TRIM67: variants seen among roughly 807,000 people sequenced by gnomAD.
The protein encoded by TRIM67 is tripartite motif-containing protein 67.
A neutral mutation model predicts 71.0 loss-of-function variants in TRIM67; 39 were observed. The ratio of observed to expected loss-of-function variants is 0.55; its 90% confidence interval spans 0.43 to 0.72. The LOEUF (loss-of-function observed/expected upper bound fraction) is 0.72, where lower values mean the gene tolerates loss of function less well. Ranked by LOEUF, TRIM67 falls within the 30% of genes least tolerant of loss-of-function variation. TRIM67 has a pLI of 0.00. For synonymous variants in TRIM67, 481 were observed against 473.9 expected (o/e 1.01, Z -0.19); for missense variants, 973 against 1,079.2 (o/e 0.90, Z 1.38).
In TRIM67 at chr1:231,215,444, C is replaced by T. The variant is rs200304034; in HGVS notation, c.*4C>T. On this transcript the variant is annotated 3_prime_UTR_variant, in exon 10 of 10. Transcript: ENST00000366653. Reference sequence around the variant, plus strand: ...GCCAAAGCTGTCAGGCAATTAGCCCCGCTCCAGCTCGGCACTGTGCCTGTG... The same window carrying T: ...GCCAAAGCTGTCAGGCAATTAGCCCTGCTCCAGCTCGGCACTGTGCCTGTG... The T allele has an allele frequency of 7.0e-4, 1,121 of 1,603,874 alleles. No homozygotes were observed. Among genetic ancestry groups the T allele is most frequent in the Non-Finnish European group, 8.6e-4 (1,010 of 1,174,422 alleles).
intron 1 of TRIM67, among the ~76,000 whole-genome samples, chr1:231,171,695 T>G (rs2102716068): frequency 6.6e-6 from 1 of 152,336 alleles, no homozygotes; most frequent in Non-Finnish European, 1.5e-5. Context: ...TAGGGTCTGC[T>G]GTTTTCTAAC....
intron 9 of TRIM67, among the ~76,000 whole-genome samples, chr1:231,214,294 G>A (rs1683953421): frequency 6.6e-6 from 1 of 152,154 alleles, no homozygotes; most frequent in African/African-American, 2.4e-5. Context: ...AGGAGGGTGT[G>A]AGGAAGGGAG....
Position 231,219,259 on chromosome 1 carries a change from A to G in TRIM67, c.*3819A>G. On this transcript the variant is annotated 3_prime_UTR_variant, in exon 10 of 10. Transcript: ENST00000366653. ...TTAGCAACATCCCTGGTCTCTACCC[A>G]TCATCTGCCAGTAGCAACCCCCAAG... 4.1e-6 allele frequency: 4 copies of G among 980,372 alleles called. No individual in the cohort carries two copies. Among genetic ancestry groups the G allele is most frequent in the Middle Eastern group, 5.3e-4 (1 of 1,900 alleles). 60.7% of individuals were successfully genotyped at this position (980,372 alleles called of 1,614,324 possible).
rs1683903977 is a variant in TRIM67 at position 231,212,569 on chromosome 1, G to A, written c.2124-1246G>A. Among the ~76,000 whole-genome samples the A allele has an allele frequency of 2.6e-5, 4 of 152,184 alleles. No homozygotes were observed. The South Asian group carries it at 6.2e-4, about 24-fold the overall frequency. On this transcript the variant is annotated intron_variant, in intron 8 of 9. Transcript: ENST00000366653. ...AGAGACAAGCAGGACAAAATTCAAA[G>A]TAACAAGTTAGAGTAAAAAGGTTAG... is the stretch of plus-strand genomic sequence containing the variant.
At chr1:231,164,433 G>T (rs1435291066) in intron 1 of TRIM67, among the ~76,000 whole-genome samples, 1 of 152,150 alleles carries the variant, frequency 6.6e-6, no homozygotes, top group Non-Finnish European at 1.5e-5. Context: ...ATGTGTCCTT[G>T]TATCTGATAC....
chr1:231,219,518 A>G lies in TRIM67; in HGVS notation c.*4078A>G. ...TGTGTCTTCAGGGGGCAGGTAGGGG[A>G]AAATGGGGTGAGCCACCTCCAACAG... On this transcript the variant is annotated 3_prime_UTR_variant, in exon 10 of 10. Coordinates refer to ENST00000366653, the MANE Select transcript of TRIM67 (RefSeq NM_001004342.5). 1 of 1,071,968 alleles carries G rather than the reference A, an allele frequency of 9.3e-7. No individual in the cohort carries two copies. Among genetic ancestry groups the G allele is most frequent in the South Asian group, 2.7e-5 (1 of 36,400 alleles). 66.4% of individuals were successfully genotyped at this position (1,071,968 alleles called of 1,614,324 possible). A position where few individuals can be genotyped will look rare whatever the true frequency, so the allele number is the denominator to read the frequency against.
chr1:231,162,909 A>T lies in TRIM67; in HGVS notation c.-61A>T. The T allele has an allele frequency of 1.9e-6, 3 of 1,565,192 alleles. No homozygotes were observed. Among genetic ancestry groups the T allele is most frequent in the Non-Finnish European group, 2.6e-6 (3 of 1,160,440 alleles). On this transcript the variant is annotated 5_prime_UTR_variant, in exon 1 of 10. Coordinates refer to ENST00000366653, the MANE Select transcript of TRIM67 (RefSeq NM_001004342.5). Reference sequence around the variant, plus strand: ...CGCACCGCGCTGGTCCTCCTCCGCCAGTCTCCCGAGCTCCGGCCATTCATC... The same window carrying T: ...CGCACCGCGCTGGTCCTCCTCCGCCTGTCTCCCGAGCTCCGGCCATTCATC...
chr1:231,210,816 G>A (rs1412764946), intron 8 of TRIM67, among the ~76,000 whole-genome samples: 1 of 151,768 alleles, frequency 6.6e-6, no homozygotes, highest in Non-Finnish European at 1.5e-5. Flanking sequence ...GAGGCAGAAG[G>A]ATTGCTTGAG....
chr1:231,162,776 C>T lies in TRIM67; in HGVS notation c.-194C>T, dbSNP rs1049140668. The T allele has an allele frequency of 2.5e-5, 17 of 669,646 alleles. No individual in the cohort carries two copies. The highest frequency in any genetic ancestry group is 4.1e-5 in the Non-Finnish European group (17 of 417,982). The allele number at this position is 669,646 out of a possible 1,614,324, so 41.5% of individuals were successfully genotyped here. A position where few individuals can be genotyped will look rare whatever the true frequency, so the allele number is the denominator to read the frequency against. ...GGTGAGGACCCCCTCCCTTCTCTCG[C>T]CCCTCAATCATCTTAGGGCGGTGGC... On this transcript the variant is annotated 5_prime_UTR_variant, in exon 1 of 10. Transcript: ENST00000366653.
chr1:231,203,953 C>A lies in TRIM67; in HGVS notation c.1621C>A (p.His541Asn). The A allele has an allele frequency of 2.5e-6, 4 of 1,614,016 alleles. No homozygotes were observed. Among genetic ancestry groups the A allele is most frequent in the Non-Finnish European group, 3.4e-6 (4 of 1,179,888 alleles). ...GGCCTGGAGGATGCCACCCTTCACC[C>A]ACAGCCCCGTGGACGGCTACATCCT... ...TLAWRMPPFT[H>N]SPVDGYILEL... is the part of the protein sequence containing the mutation. The change falls in exon 6 of 10, where the codon CAC (histidine) becomes AAC (asparagine). Residue 541 changes from histidine (H) to asparagine (N), a missense_variant. By Grantham distance (68) the His-to-Asn change is moderately conservative. Around this residue, in one of 2 missense-constraint regions of TRIM67, gnomAD observed 795 missense variants for 831.3 expected, o/e 0.96. Transcript: ENST00000366653.
intron 1 of TRIM67, chr1:231,185,018 C>T (rs1482919498): frequency 2.0e-6 from 3 of 1,532,996 alleles, no homozygotes; most frequent in Non-Finnish European, 2.6e-6. Context: ...GGAGGGTCAG[C>T]TTATTCTGCT....
chr1:231,163,825 G>C lies in TRIM67; in HGVS notation c.856G>C (p.Gly286Arg), dbSNP rs1458100757. Residue 286 changes from glycine to arginine, a missense_variant, in exon 1 of 10, where the codon GGC (glycine) becomes CGC (arginine). Around this residue, in one of 2 missense-constraint regions of TRIM67, gnomAD observed 795 missense variants for 831.3 expected, o/e 0.96. Transcript: ENST00000366653. ...AGGCGGCGGCTGCAAGAGCCCGGGA[G>C]GCGCGGGGGCGGGGGCGACTGGGGG... is the stretch of plus-strand genomic sequence containing the variant. Reference protein sequence around the residue: ...SGGGGCKSPGGAGAGATGGST... With the variant: ...SGGGGCKSPGRAGAGATGGST... 2.6e-6 allele frequency: 4 copies of C among 1,517,814 alleles called. No individual in the cohort carries two copies. Among genetic ancestry groups the C allele is most frequent in the Non-Finnish European group, 3.5e-6 (4 of 1,130,324 alleles). 94.0% of individuals were successfully genotyped at this position (1,517,814 alleles called of 1,614,324 possible).
At position 231,215,690 on chromosome 1, in the gene TRIM67, C is replaced by A; in HGVS notation, c.*250C>A. The A allele has an allele frequency of 8.0e-7, 1 of 1,248,828 alleles. No homozygotes were observed. The highest frequency in any genetic ancestry group is 3.4e-5 in the South Asian group (1 of 29,392). The allele number at this position is 1,248,828 out of a possible 1,614,324, so 77.4% of individuals were successfully genotyped here. A position where few individuals can be genotyped will look rare whatever the true frequency, so the allele number is the denominator to read the frequency against. ...TCACCCTTATTCCACCCAGACATTA[C>A]GAACACTCCCCAAGAAGGACCTTTC... On this transcript the variant is annotated 3_prime_UTR_variant, in exon 10 of 10. Transcript: ENST00000366653.
rs1373510258 is a variant in TRIM67 at position 231,219,433 on chromosome 1, A to C, written c.*3993A>C. ...CGCTCCGGCTGCTTTGTTCCATAGA[A>C]AGCCTGTATGTGACAAAGCTGCCAG... On this transcript the variant is annotated 3_prime_UTR_variant, in exon 10 of 10. Coordinates refer to ENST00000366653, the MANE Select transcript of TRIM67 (RefSeq NM_001004342.5). 3.9e-6 allele frequency: 4 copies of C among 1,027,380 alleles called. No homozygotes were observed. The highest frequency in any genetic ancestry group is 1.9e-4 in the East Asian group (2 of 10,486). 63.6% of individuals were successfully genotyped at this position (1,027,380 alleles called of 1,614,324 possible).
chr1:231,203,811 C>A, intron 5 of TRIM67, 56 bp from the exon 6 acceptor site: 2 of 1,567,838 alleles, frequency 1.3e-6, no homozygotes, highest in South Asian at 2.3e-5. Flanking sequence ...GGTGGGGGAC[C>A]GGGCTGGGGC....
Position 231,215,837 on chromosome 1 carries a change from G to A in TRIM67, c.*397G>A. The A allele has an allele frequency of 9.9e-7, 1 of 1,013,056 alleles. No individual in the cohort carries two copies. The allele number at this position is 1,013,056 out of a possible 1,614,324, so 62.8% of individuals were successfully genotyped here. A position where few individuals can be genotyped will look rare whatever the true frequency, so the allele number is the denominator to read the frequency against. On this transcript the variant is annotated 3_prime_UTR_variant, in exon 10 of 10. Coordinates refer to ENST00000366653, the MANE Select transcript of TRIM67 (RefSeq NM_001004342.5). ...ACTGGCCTCCTGAGAGCGGCAGTCA[G>A]GAGCTGCGCTGTAATCCCACGCCCC...
rs560158554 is a variant in TRIM67 at position 231,200,350 on chromosome 1, C to T, written c.1374+92C>T. On this transcript the variant is annotated intron_variant, in intron 4 of 9. Coordinates refer to ENST00000366653, the MANE Select transcript of TRIM67 (RefSeq NM_001004342.5). ...CCAAGTTCTAGGCAAGATCCTTTCA[C>T]GGCTTGGATTGAGTAGATTCTCCTT... The T allele has an allele frequency of 1.2e-4, 94 of 791,088 alleles. 1 individual carries two copies. Among genetic ancestry groups the T allele is most frequent in the East Asian group, 3.7e-4 (15 of 40,222 alleles). 49.0% of individuals were successfully genotyped at this position (791,088 alleles called of 1,614,324 possible).
At position 231,176,349 on chromosome 1, in the gene TRIM67, A is replaced by G. The variant is rs150934366; in HGVS notation, c.1044+12336A>G. ...AATGTGAATAAACAGATGGAGGAAG[A>G]GTGAAGAGAAGGCAGTGAATTTCCC... On this transcript the variant is annotated intron_variant, in intron 1 of 9. Coordinates refer to ENST00000366653, the MANE Select transcript of TRIM67 (RefSeq NM_001004342.5). 5.6e-3 allele frequency among the ~76,000 whole-genome samples: 849 copies of G among 152,304 alleles called. 10 individuals are homozygous for G. Among genetic ancestry groups the G allele is most frequent in the African/African-American group, 0.019 (809 of 41,566 alleles).
chr1:231,189,116 C>T (rs1683165604), intron 1 of TRIM67, among the ~76,000 whole-genome samples: 4 of 152,160 alleles, frequency 2.6e-5, no homozygotes, highest in Admixed American at 1.3e-4. Flanking sequence ...TACTAGCCTC[C>T]GGGCTCTGAG....
Sources: allele counts gnomAD v4.1 joint callset (sites outside exome capture counted in the v4.1 genomes callset), GRCh38; gene constraint gnomAD v4.1.1; regional missense constraint gnomAD v4.1.1; transcripts MANE v1.5; gene names NCBI Gene and HGNC (gene_info 2026-07-23, HGNC 2026-07-21).